The following STAC variants were observed in gnomAD, a reference collection of about 807,000 sequenced individuals.
STAC encodes the protein SH3 and cysteine rich domain.
In STAC, 43 loss-of-function variants were observed where a neutral mutation model predicts 48.8. The ratio of observed to expected loss-of-function variants is 0.88; its 90% CI spans 0.69 to 1.14. The LOEUF is 1.14. Ranked by LOEUF, STAC falls within the 50% of genes most tolerant of loss-of-function variation. STAC has a pLI of 0.00. For missense variants in STAC, 497 were observed against 504.0 expected (o/e 0.99, Z 0.13); for synonymous variants, 193 against 179.5 (o/e 1.07, Z -0.60).
At chr3:36,514,525 A>C (rs1698622432) in intron 8 of STAC, among the ~76,000 whole-genome samples, 1 of 152,092 alleles carries the variant, frequency 6.6e-6, no homozygotes, top group Admixed American at 6.6e-5. Flanking sequence ...TTCTGGAATT[A>C]TTTGGCTAGT....
intron 10 of STAC, among the ~76,000 whole-genome samples, chr3:36,543,114 A>G (rs1474006565): frequency 1.3e-5 from 2 of 152,154 alleles, no homozygotes; most frequent in African/African-American, 4.8e-5. Context: ...GCAAACCGAG[A>G]CAAGTTGGTC....
At chr3:36,517,861 TCA>T (rs890232141) in intron 8 of STAC, among the ~76,000 whole-genome samples, 26 of 151,042 alleles carry the variant, frequency 1.7e-4, no homozygotes, top group African/African-American at 4.1e-4. Context: ...ACACTCACAG[TCA>T]CACACACACA....
intron 1 of STAC, among the ~76,000 whole-genome samples, chr3:36,402,282 A>C (rs1024941463): frequency 2.6e-5 from 4 of 152,276 alleles, no homozygotes; most frequent in Non-Finnish European, 5.9e-5. Context: ...AAGTAGAAAC[A>C]AGACATGGAG....
intron 6 of STAC, among the ~76,000 whole-genome samples, chr3:36,494,392 C>T (rs2125707748): frequency 6.6e-6 from 1 of 152,304 alleles, no homozygotes; most frequent in Non-Finnish European, 1.5e-5. Context: ...ATTCTCATGG[C>T]AGAAGTTATC....
At chr3:36,483,778 C>A (rs755171943) in intron 3 of STAC, among the ~76,000 whole-genome samples, 10 of 152,086 alleles carry the variant, frequency 6.6e-5, no homozygotes, top group Non-Finnish European at 1.2e-4. Flanking sequence ...ATGGCATGAC[C>A]CTGTCTCTAC....
intron 1 of STAC, among the ~76,000 whole-genome samples, chr3:36,431,074 C>G (rs1248060735): frequency 6.6e-6 from 1 of 152,178 alleles, no homozygotes; most frequent in Non-Finnish European, 1.5e-5. Flanking sequence ...TAGCATAGTA[C>G]TGAATGTAAA....
chr3:36,497,205 G>A (rs984528366), intron 6 of STAC, among the ~76,000 whole-genome samples: 2 of 152,192 alleles, frequency 1.3e-5, no homozygotes, highest in African/African-American at 4.8e-5. Flanking sequence ...GCAAATATTT[G>A]TGGTATGTTT....
chr3:36,477,981 A>G (rs536473822), intron 2 of STAC, among the ~76,000 whole-genome samples: 5 of 152,310 alleles, frequency 3.3e-5, no homozygotes, highest in Non-Finnish European at 7.3e-5. Flanking sequence ...ATAGTACTGA[A>G]AGTTCTACAA....
intron 1 of STAC, among the ~76,000 whole-genome samples, chr3:36,433,053 G>A (rs1016980153): frequency 1.3e-5 from 2 of 152,194 alleles, no homozygotes; most frequent in Admixed American, 1.3e-4. Flanking sequence ...CAGGGCAGGA[G>A]GTAGGAAGGG....
intron 6 of STAC, among the ~76,000 whole-genome samples, chr3:36,496,423 C>T (rs939114481): frequency 6.6e-6 from 1 of 152,178 alleles, no homozygotes; most frequent in Non-Finnish European, 1.5e-5. Flanking sequence ...TCTAGGATTA[C>T]AGTCACAACC....
intron 1 of STAC, among the ~76,000 whole-genome samples, chr3:36,403,844 T>C (rs1007117213): frequency 2.0e-5 from 3 of 152,152 alleles, no homozygotes; most frequent in African/African-American, 2.4e-5. Flanking sequence ...TGGAATCCAA[T>C]ACTGAGTCAT....
At chr3:36,414,554 G>T (rs548730174) in intron 1 of STAC, among the ~76,000 whole-genome samples, 1 of 152,028 alleles carries the variant, frequency 6.6e-6, no homozygotes, top group African/African-American at 2.4e-5. Flanking sequence ...CTCTGCATTG[G>T]TTATTCTAGT....
intron 6 of STAC, among the ~76,000 whole-genome samples, chr3:36,499,090 A>AT (rs527340741): frequency 1.9e-3 from 286 of 152,278 alleles, no homozygotes; most frequent in African/African-American, 6.5e-3. Flanking sequence ...TCAATAATAT[A>AT]TTTTTCAGAC....
intron 2 of STAC, among the ~76,000 whole-genome samples, chr3:36,453,449 G>A (rs1034181028): frequency 2.6e-5 from 4 of 152,206 alleles, no homozygotes; most frequent in African/African-American, 9.6e-5. Flanking sequence ...GAGGCCGGCC[G>A]GCCCCACCGG....
At chr3:36,439,834 C>T (rs1420020963) in intron 1 of STAC, among the ~76,000 whole-genome samples, 3 of 152,170 alleles carry the variant, frequency 2.0e-5, no homozygotes, top group Admixed American at 2.0e-4. Flanking sequence ...CTCTTCAAAA[C>T]CAATGCTATG....
chr3:36,499,290 T>C (rs1022975878), intron 6 of STAC, among the ~76,000 whole-genome samples: 1 of 152,200 alleles, frequency 6.6e-6, no homozygotes, highest in Non-Finnish European at 1.5e-5. Flanking sequence ...ATAATGTTTT[T>C]AAAAAGTTGT....
intron 3 of STAC, among the ~76,000 whole-genome samples, chr3:36,484,489 G>T (rs6781826): frequency 0.013 from 1,985 of 152,312 alleles, 50 homozygotes; most frequent in African/African-American, 0.043. Flanking sequence ...GAAAAACAGA[G>T]AATAGAATCC....
chr3:36,429,804 C>T (rs6774639), intron 1 of STAC, among the ~76,000 whole-genome samples: 149,144 of 152,306 alleles, frequency 0.98, 73,037 homozygotes, highest in East Asian at 1. Flanking sequence ...GATACCTTCA[C>T]GTACCCACAT....
At chr3:36,410,564 C>T (rs1700173517) in intron 1 of STAC, among the ~76,000 whole-genome samples, 1 of 152,202 alleles carries the variant, frequency 6.6e-6, no homozygotes, top group African/African-American at 2.4e-5. Flanking sequence ...TGCCGTGCTA[C>T]ATGCTGACTG....
Sources: allele counts gnomAD v4.1 joint callset (sites outside exome capture counted in the v4.1 genomes callset), GRCh38; gene constraint gnomAD v4.1.1; transcripts MANE v1.5; gene names NCBI Gene and HGNC (gene_info 2026-07-23, HGNC 2026-07-21).